The following NRXN1 variants were observed in gnomAD, a reference collection of about 807,000 sequenced individuals.
NRXN1 encodes the protein neurexin-1.
NRXN1 carries 39 observed loss-of-function variants against 150.9 expected under a neutral mutation model. The observed-to-expected ratio is 0.26, with a 90% CI of 0.20 to 0.34. The LOEUF (loss-of-function observed/expected upper bound fraction) is 0.34. Ranked by LOEUF, NRXN1 falls within the 10% of genes least tolerant of loss-of-function variation. The pLI, the probability that NRXN1 is intolerant of heterozygous loss-of-function variation, is 1.00. For synonymous variants in NRXN1, 924 were observed against 757.0 expected (o/e 1.22, Z -3.62); for missense variants, 1,815 against 1,949.9 (o/e 0.93, Z 1.30).
rs529114857 is a variant in NRXN1 at position 50,629,737 on chromosome 2, TAGTAAA to T, written c.833-6128_833-6123del. Among the ~76,000 whole-genome samples the T allele has an allele frequency of 5.2e-3, 783 of 151,798 alleles. 11 individuals carry two copies. Among genetic ancestry groups the T allele is most frequent in the Non-Finnish European group, 5.2e-3 (354 of 67,674 alleles). Reference sequence around the variant, plus strand: ...CTATTCCTATTAATGCTACTATTAATAGTAAAAGCTAAAATAAAGCCAATAGTAATA... The same window carrying T: ...CTATTCCTATTAATGCTACTATTAATAGCTAAAATAAAGCCAATAGTAATA... On this transcript the variant is annotated intron_variant, in intron 5 of 22. Coordinates refer to ENST00000401669, the MANE Select transcript of NRXN1 (RefSeq NM_001330078.2).
rs1001028741 is a variant in NRXN1 at position 49,964,292 on chromosome 2, T to C, written c.4129-20501A>G. Among the ~76,000 whole-genome samples the C allele has an allele frequency of 2.9e-4, 44 of 152,248 alleles. 1 individual carries two copies. Among genetic ancestry groups the C allele is most frequent in the African/African-American group, 1.0e-3 (43 of 41,558 alleles). On this transcript the variant is annotated intron_variant, in intron 21 of 22. Coordinates refer to ENST00000401669, the MANE Select transcript of NRXN1 (RefSeq NM_001330078.2). Reference sequence around the variant, plus strand: ...TAAAACATAATCACTACATCTTCCATATACTAAGAAGTCTTCGGTGGCTCA... The same window carrying C: ...TAAAACATAATCACTACATCTTCCACATACTAAGAAGTCTTCGGTGGCTCA...
At chr2:50,202,180 G>A (rs2062217984) in intron 18 of NRXN1, among the ~76,000 whole-genome samples, 1 of 152,130 alleles carries the variant, frequency 6.6e-6, no homozygotes, top group Non-Finnish European at 1.5e-5. Flanking sequence ...GGAATGATTA[G>A]TTACACAGGA....
intron 13 of NRXN1, among the ~76,000 whole-genome samples, chr2:50,499,809 G>A (rs532546969): frequency 2.1e-4 from 32 of 152,042 alleles, no homozygotes; most frequent in Non-Finnish European, 3.4e-4. Flanking sequence ...TTAACTGGGC[G>A]TGGTGGTGGG....
intron 5 of NRXN1, among the ~76,000 whole-genome samples, chr2:50,816,974 G>T (rs910279987): frequency 1.3e-5 from 2 of 152,010 alleles, no homozygotes; most frequent in South Asian, 2.1e-4. Flanking sequence ...CTGTTAGGAG[G>T]ACTCTCAGGC....
intron 5 of NRXN1, among the ~76,000 whole-genome samples, chr2:50,704,934 T>C (rs1295257010): frequency 6.6e-6 from 1 of 152,064 alleles, no homozygotes; most frequent in African/African-American, 2.4e-5. Flanking sequence ...ATTATTATTG[T>C]CATTTTACTG....
At chr2:50,182,348 G>C (rs56091116) in intron 18 of NRXN1, among the ~76,000 whole-genome samples, 2,911 of 152,096 alleles carry the variant, frequency 0.019, 95 homozygotes, top group African/African-American at 0.067. Context: ...TAATGGAAAA[G>C]AATAAAGTTT....
At position 50,053,466 on chromosome 2, in the gene NRXN1, T is replaced by C. The variant is rs79970751; in HGVS notation, c.3933A>G (p.Ala1311=). ...TGGCGATGTTGGCATCGTTTTCGGC[T>C]GCCATATTCAGAACTTTCAAGCCAT... ...YYNGLKVLNM[A]AENDANIAIV... is the part of the protein sequence containing the mutation. The change falls in exon 21 of 23, where the codon GCA becomes GCG. Residue 1311 remains alanine (A), a synonymous_variant. Transcript: ENST00000401669. 10,744 of 1,614,012 alleles carry C rather than the reference T, an allele frequency of 6.7e-3. 55 individuals carry two copies. Among genetic ancestry groups the C allele is most frequent in the Middle Eastern group, 0.012 (74 of 6,062 alleles).
intron 5 of NRXN1, among the ~76,000 whole-genome samples, chr2:50,683,701 C>G (rs1227090453): frequency 8.3e-6 from 1 of 120,998 alleles, no homozygotes; most frequent in African/African-American, 3.2e-5. Flanking sequence ...TTAGAAAGTA[C>G]AGTAGTTTAG....
chr2:50,630,307 T>G (rs1682041823), intron 5 of NRXN1, among the ~76,000 whole-genome samples: 1 of 151,640 alleles, frequency 6.6e-6, no homozygotes, highest in Admixed American at 6.6e-5. Context: ...AATGGATTGG[T>G]TTCAACACCA....
At chr2:50,725,573 A>T (rs1697239973) in intron 5 of NRXN1, among the ~76,000 whole-genome samples, 2 of 152,198 alleles carry the variant, frequency 1.3e-5, no homozygotes, top group African/African-American at 4.8e-5. Context: ...TTAACTGGGT[A>T]ATTTTTCCAG....
intron 3 of NRXN1, among the ~76,000 whole-genome samples, chr2:50,925,604 T>G (rs990369635): frequency 6.6e-6 from 1 of 151,898 alleles, no homozygotes; most frequent in African/African-American, 2.4e-5. Flanking sequence ...ATGCACTGTC[T>G]TATGAAACTA....
chr2:50,731,865 C>G (rs1448671915), intron 5 of NRXN1, among the ~76,000 whole-genome samples: 1 of 152,094 alleles, frequency 6.6e-6, no homozygotes, highest in Non-Finnish European at 1.5e-5. Flanking sequence ...ATTAGGCATG[C>G]CTTGTTTTCG....
Position 50,005,639 on chromosome 2 carries a change from A to G in NRXN1, c.4128+47632T>C, listed in dbSNP as rs139987819. Among the ~76,000 whole-genome samples the G allele has an allele frequency of 7.9e-5, 12 of 152,228 alleles. No homozygotes were observed. In the East Asian group the frequency reaches 2.3e-3, roughly 29 times the overall value. ...CAAAAGCACAACCAAAAACAAAAAC[A>G]CACTCTTCCAGAGCTTCCCATTACC... On this transcript the variant is annotated intron_variant, in intron 21 of 22. Transcript: ENST00000401669.
chr2:50,731,842 T>C (rs1411127774), intron 5 of NRXN1, among the ~76,000 whole-genome samples: 1 of 152,222 alleles, frequency 6.6e-6, no homozygotes, highest in African/African-American at 2.4e-5. Flanking sequence ...TCTCATCCAG[T>C]TGCATGATTT....
intron 22 of NRXN1, among the ~76,000 whole-genome samples, chr2:49,939,447 T>A (rs1271982089): frequency 6.6e-6 from 1 of 152,212 alleles, no homozygotes; most frequent in African/African-American, 2.4e-5. Context: ...ACATTTTGTA[T>A]TCTGAAGCCA....
chr2:50,328,882 T>G (rs1267914023), intron 17 of NRXN1, among the ~76,000 whole-genome samples: 1 of 152,196 alleles, frequency 6.6e-6, no homozygotes, highest in Admixed American at 6.5e-5. Context: ...CAGAACTGCT[T>G]GGTCAACCTT....
rs13398860 is a variant in NRXN1 at position 50,465,802 on chromosome 2, A to G, written c.3245-241T>C. 0.37 allele frequency among the ~76,000 whole-genome samples: 56,850 copies of G among 151,698 alleles called. 11,075 individuals are homozygous for G. The highest frequency in any genetic ancestry group is 0.47 in the African/African-American group (19,653 of 41,386). On this transcript the variant is annotated intron_variant, in intron 16 of 22. Coordinates refer to ENST00000401669, the MANE Select transcript of NRXN1 (RefSeq NM_001330078.2). ...TAAACTAAACCAACAAATAGCAAAA[A>G]CAAGCACATAGCTTCTAGTATGATT...
intron 12 of NRXN1, among the ~76,000 whole-genome samples, chr2:50,509,262 C>T (rs2092361449): frequency 6.6e-6 from 1 of 152,198 alleles, no homozygotes; most frequent in Non-Finnish European, 1.5e-5. Context: ...TCACTTTCCC[C>T]ATATTGGAAC....
intron 18 of NRXN1, among the ~76,000 whole-genome samples, chr2:50,115,881 T>C (rs761930191): frequency 5.3e-5 from 8 of 152,140 alleles, no homozygotes; most frequent in Non-Finnish European, 1.2e-4. Flanking sequence ...TTATAAGCAG[T>C]CTGTCTTTTT....
Sources: allele counts gnomAD v4.1 joint callset (sites outside exome capture counted in the v4.1 genomes callset), GRCh38; gene constraint gnomAD v4.1.1; transcripts MANE v1.5; gene names NCBI Gene and HGNC (gene_info 2026-07-23, HGNC 2026-07-21).